Variants in RGL1 observed in about 807,000 individuals in gnomAD.
RGL1 encodes the protein ral guanine nucleotide dissociation stimulator like 1.
In RGL1, 24 loss-of-function variants were observed where a neutral mutation model predicts 95.2. The observed-to-expected ratio is 0.25, with a 90% CI of 0.18 to 0.35. The LOEUF is 0.35. Ranked by LOEUF, RGL1 falls within the 10% of genes least tolerant of loss-of-function variation. RGL1 has a pLI of 1.00. For missense variants in RGL1, 715 were observed against 936.3 expected, an observed-to-expected ratio of 0.76 and a Z score of 3.08; for synonymous variants, 329 against 344.9, an observed-to-expected ratio of 0.95 and a Z score of 0.51.
At chr1:183,675,414 T>C (rs543583525) in intron 1 of RGL1, among the ~76,000 whole-genome samples, 105 of 151,496 alleles carry the variant, frequency 6.9e-4, no homozygotes, top group African/African-American at 1.7e-3. Flanking sequence ...CATTTTTTTT[T>C]CTCTCTTTTG....
At chr1:183,815,188 C>T (rs950878764) in intron 2 of RGL1, among the ~76,000 whole-genome samples, 7 of 151,798 alleles carry the variant, frequency 4.6e-5, no homozygotes, top group African/African-American at 2.4e-5. Flanking sequence ...GCAGGAGAAT[C>T]GCCTGAACCT....
At chr1:183,896,399 TAA>T (rs1667704660) in intron 9 of RGL1, among the ~76,000 whole-genome samples, 1 of 152,240 alleles carries the variant, frequency 6.6e-6, no homozygotes, top group Admixed American at 6.5e-5. Context: ...GGGAGATCAT[TAA>T]ATAGTGGCTC....
intron 1 of RGL1, among the ~76,000 whole-genome samples, chr1:183,695,516 T>C (rs1482466832): frequency 6.6e-6 from 1 of 152,226 alleles, no homozygotes; most frequent in Admixed American, 6.5e-5. Context: ...TAGTGGATCA[T>C]GAGGGCTATG....
At chr1:183,790,143 T>G (rs1160692537) in intron 2 of RGL1, among the ~76,000 whole-genome samples, 5 of 152,006 alleles carry the variant, frequency 3.3e-5, no homozygotes, top group African/African-American at 1.2e-4. Flanking sequence ...TCATAGCTGG[T>G]CTCGAACTCC....
rs561271437 is a variant in RGL1, at chr1:183,724,283, A to G, written c.-32-17843A>G. 2.0e-4 allele frequency among the ~76,000 whole-genome samples: 31 copies of G among 152,256 alleles called. No individual in the cohort carries two copies. Among genetic ancestry groups the G allele is most frequent in the African/African-American group, 7.5e-4 (31 of 41,532 alleles). On this transcript the variant is annotated intron_variant, in intron 1 of 18. Transcript: ENST00000304685. This position sits in a 1 kb window ranked among gnomAD's most constrained non-coding sequence, Gnocchi z 4.1. ...GACTGTTTCTGCTTGAGAAAAGCAG[A>G]GGGAAGAGTAAAGGAGACTTCATCT...
In RGL1 at chr1:183,690,727, C is replaced by G. The variant is rs547101365; in HGVS notation, c.-32-51399C>G. On this transcript the variant is annotated intron_variant, in intron 1 of 18. Transcript: ENST00000304685. ...TTGTTAGTGCTAGAAAGATGAGGTA[C>G]TTATAAAAAAAAAAAAGAATGTATT... Among the ~76,000 whole-genome samples the G allele has an allele frequency of 3.2e-4, 37 of 116,866 alleles. No individual in the cohort carries two copies. The East Asian group carries it at 0.015, about 47-fold the overall frequency. 76.7% of individuals were successfully genotyped at this position (116,866 alleles called of 152,430 possible).
exon 2 of RGL1, chr1:183,742,255 A>G (rs1288069888): frequency 3.7e-6 from 6 of 1,614,116 alleles, no homozygotes; most frequent in Non-Finnish European, 5.1e-6. Context: ...GTGGAAGATC[A>G]TGTTCGAATA....
At chr1:183,902,363 G>A (rs1668076915) in intron 11 of RGL1, among the ~76,000 whole-genome samples, 1 of 152,122 alleles carries the variant, frequency 6.6e-6, no homozygotes, top group Non-Finnish European at 1.5e-5. Context: ...TTCAAGAGAA[G>A]GCTTTCTGCT....
At chr1:183,760,568 CAAAAAAA>C (rs58715145) in intron 2 of RGL1, among the ~76,000 whole-genome samples, 1 of 50,718 alleles carries the variant, frequency 2.0e-5, no homozygotes, top group African/African-American at 8.0e-5. Flanking sequence ...CCAGTCTCTG[CAAAAAAA>C]AAAAAAAAAA....
chr1:183,825,507 T>C (rs1010310050), intron 2 of RGL1, among the ~76,000 whole-genome samples: 1 of 151,868 alleles, frequency 6.6e-6, no homozygotes, highest in Non-Finnish European at 1.5e-5. Flanking sequence ...GACTGTGTAC[T>C]CTAAAAACAA....
In RGL1 at chr1:183,928,466, T is replaced by C. The variant is rs1669742994; in HGVS notation, c.*2174T>C. 1 of 152,660 alleles carries C rather than the reference T, an allele frequency of 6.6e-6. No homozygotes were observed. The highest frequency in any genetic ancestry group is 1.5e-5 in the Non-Finnish European group (1 of 68,046). The allele number at this position is 152,660 out of a possible 1,614,324, so 9.5% of individuals were successfully genotyped here. A position where few individuals can be genotyped will look rare whatever the true frequency, so the allele number is the denominator to read the frequency against. On this transcript the variant is annotated 3_prime_UTR_variant, in exon 18 of 18. Coordinates refer to ENST00000360851, the MANE Select transcript of RGL1 (RefSeq NM_001297671.3). Reference sequence around the variant, plus strand: ...TCTTTCTGCATCTCCATCATCTGTTTACCTTTTGGTTAAACTAATAAACTA... The same window carrying C: ...TCTTTCTGCATCTCCATCATCTGTTCACCTTTTGGTTAAACTAATAAACTA...
rs1665956198 is a variant in RGL1, at chr1:183,868,251, G to A, written c.425+2178G>A. On this transcript the variant is annotated intron_variant, in intron 4 of 17. Coordinates refer to ENST00000360851, the MANE Select transcript of RGL1 (RefSeq NM_001297671.3). ...ATAGAGTACATGTTAGGTGAGAGGG[G>A]AGTCAGTGGAGCTGAAGCTAGATTG... Among the ~76,000 whole-genome samples the A allele has an allele frequency of 2.6e-5, 4 of 152,198 alleles. No homozygotes were observed. In the South Asian group the frequency reaches 8.3e-4, roughly 31 times the overall value.
rs75264805 is a variant in RGL1, at chr1:183,855,040, C to T, written c.347+7266C>T. On this transcript the variant is annotated intron_variant, in intron 3 of 17. Transcript: ENST00000360851. ...TTTCCCACTCAGAGACCATGTTAGTCTTGTTCATTGCTCTACCCTCAAAAT... is the reference window on the plus strand; with the variant it reads ...TTTCCCACTCAGAGACCATGTTAGTTTTGTTCATTGCTCTACCCTCAAAAT... Among the ~76,000 whole-genome samples, 60 of 152,246 alleles carry T rather than the reference C, an allele frequency of 3.9e-4. No homozygotes were observed. The East Asian group carries it at 0.012, about 29-fold the overall frequency.
intron 11 of RGL1, among the ~76,000 whole-genome samples, chr1:183,901,939 A>G (rs939298551): frequency 6.6e-6 from 1 of 152,236 alleles, no homozygotes; most frequent in Non-Finnish European, 1.5e-5. Context: ...GTTACTTTGC[A>G]TAGATCTACC....
chr1:183,649,029 C>A (rs1288871806), intron 1 of RGL1, among the ~76,000 whole-genome samples: 1 of 152,214 alleles, frequency 6.6e-6, no homozygotes, highest in African/African-American at 2.4e-5. Flanking sequence ...TTACCTGTTT[C>A]ATAGATTCCA....
In RGL1 at chr1:183,905,193, A is replaced by T. The variant is rs144225702; in HGVS notation, c.1472+222A>T. Among the ~76,000 whole-genome samples the T allele has an allele frequency of 7.0e-3, 1,060 of 152,234 alleles. 14 individuals are homozygous for T. The highest frequency in any genetic ancestry group is 0.021 in the African/African-American group (876 of 41,506). ...GCTTGGCCACTTATTTATCTTTGTA[A>T]CCTTGAACAAGTCATTTGTTCTTCC... On this transcript the variant is annotated intron_variant, in intron 13 of 17. Coordinates refer to ENST00000360851, the MANE Select transcript of RGL1 (RefSeq NM_001297671.3).
At chr1:183,661,786 A>T (rs1027355154) in intron 1 of RGL1, among the ~76,000 whole-genome samples, 16 of 151,110 alleles carry the variant, frequency 1.1e-4, no homozygotes, top group Non-Finnish European at 7.4e-5. Flanking sequence ...AATATCCTTG[A>T]TGAACATTGA....
intron 4 of RGL1, among the ~76,000 whole-genome samples, chr1:183,871,364 G>C (rs563663172): frequency 5.9e-5 from 9 of 152,310 alleles, no homozygotes; most frequent in African/African-American, 2.2e-4. Context: ...GTTTTCTTTT[G>C]CTATGAATCT....
intron 3 of RGL1, among the ~76,000 whole-genome samples, chr1:183,852,508 A>G (rs1354642821): frequency 6.6e-6 from 1 of 152,150 alleles, no homozygotes; most frequent in Admixed American, 6.6e-5. Context: ...AACTTCAAAC[A>G]TACACTCACT....
Sources: allele counts gnomAD v4.1 joint callset (sites outside exome capture counted in the v4.1 genomes callset), GRCh38; gene constraint gnomAD v4.1.1; non-coding constraint Gnocchi (gnomAD v3.1); transcripts MANE v1.5; gene names NCBI Gene and HGNC (gene_info 2026-07-23, HGNC 2026-07-21).